Variants in SLC38A6 observed in about 807,000 individuals in gnomAD.
SLC38A6 encodes the protein N system amino acid transporter NAT-1.
A neutral mutation model predicts 65.0 loss-of-function variants in SLC38A6; 73 were observed. That is an observed-to-expected ratio of 1.12 (90% CI 0.93 to 1.37). The LOEUF is 1.37. Among genes scored for constraint, SLC38A6 ranks in the 40% most tolerant of loss-of-function variants. The pLI, the probability that SLC38A6 is intolerant of heterozygous loss-of-function variation, is 0.00. For synonymous variants in SLC38A6, 183 were observed against 178.8 expected (o/e 1.02, Z -0.19); for missense variants, 561 against 531.1 (o/e 1.06, Z -0.55).
At chr14:61,074,822 G>A (rs974633144) in intron 15 of SLC38A6, among the ~76,000 whole-genome samples, 7 of 151,308 alleles carry the variant, frequency 4.6e-5, no homozygotes, top group African/African-American at 1.7e-4. Flanking sequence ...ACTTCTCTTA[G>A]TAAGGGAAAT....
At chr14:61,024,114 A>G (rs2040488367) in intron 5 of SLC38A6, among the ~76,000 whole-genome samples, 1 of 152,152 alleles carries the variant, frequency 6.6e-6, no homozygotes, top group African/African-American at 2.4e-5. Flanking sequence ...CTTCACAGAA[A>G]ATCGTTTTTC....
chr14:61,016,499 A>C (rs547235344), intron 4 of SLC38A6, among the ~76,000 whole-genome samples: 29 of 152,300 alleles, frequency 1.9e-4, no homozygotes, highest in African/African-American at 7.0e-4. Context: ...ACCACATCCT[A>C]GAACTCTAGA....
intron 3 of SLC38A6, among the ~76,000 whole-genome samples, chr14:61,005,554 C>T (rs1595035308): frequency 6.6e-6 from 1 of 151,212 alleles, no homozygotes. Context: ...AAACAGAGAG[C>T]CAAATCATGA....
At chr14:61,072,353 C>T (rs2043259135) in intron 15 of SLC38A6, among the ~76,000 whole-genome samples, 1 of 152,136 alleles carries the variant, frequency 6.6e-6, no homozygotes, top group Non-Finnish European at 1.5e-5. Context: ...TATCCATCCC[C>T]TCAAGCATTT....
chr14:61,066,768 G>A (rs548570222), intron 15 of SLC38A6, among the ~76,000 whole-genome samples: 3 of 152,074 alleles, frequency 2.0e-5, no homozygotes, highest in South Asian at 2.1e-4. Context: ...TTTTTTATCC[G>A]TATTTGATTG....
At chr14:61,065,162 TCAATA>T (rs968640125) in intron 15 of SLC38A6, among the ~76,000 whole-genome samples, 1 of 152,130 alleles carries the variant, frequency 6.6e-6, no homozygotes, top group African/African-American at 2.4e-5. Context: ...GATCTGAAAT[TCAATA>T]CAATCTAGGT....
chr14:61,047,974 GATACATACATACATACATACATACATAC>G (rs201975441), intron 12 of SLC38A6, among the ~76,000 whole-genome samples: 2 of 77,068 alleles, frequency 2.6e-5, no homozygotes, highest in East Asian at 2.9e-4. Flanking sequence ...TAGATAGATA[GATACATACATACATACATACATACATAC>G]ATACATACAT....
At chr14:60,997,771 AG>A (rs1566623456) in intron 3 of SLC38A6, among the ~76,000 whole-genome samples, 1 of 152,228 alleles carries the variant, frequency 6.6e-6, no homozygotes, top group Non-Finnish European at 1.5e-5. Flanking sequence ...TGGACAATAA[AG>A]GAGAAGTAGA....
At chr14:61,049,369 C>T (rs919675334) in intron 12 of SLC38A6, among the ~76,000 whole-genome samples, 2 of 152,152 alleles carry the variant, frequency 1.3e-5, no homozygotes, top group African/African-American at 4.8e-5. Flanking sequence ...TGTGCTGCTC[C>T]TTGCTTCTAG....
intron 8 of SLC38A6, among the ~76,000 whole-genome samples, chr14:61,038,779 T>C (rs986098776): frequency 6.6e-6 from 1 of 152,204 alleles, no homozygotes; most frequent in Non-Finnish European, 1.5e-5. Context: ...CTAAAAACAT[T>C]TAACAGTGTT....
chr14:61,002,150 C>T (rs1432447522), intron 3 of SLC38A6: 1 of 152,162 alleles, frequency 6.6e-6, no homozygotes, highest in Non-Finnish European at 1.5e-5. Context: ...ATATCACATC[C>T]TCTGTGCCAT....
chr14:61,070,277 C>T (rs1266934873), intron 15 of SLC38A6, among the ~76,000 whole-genome samples: 1 of 152,218 alleles, frequency 6.6e-6, no homozygotes, highest in East Asian at 1.9e-4. Context: ...TGACTGCTCT[C>T]GCCATCTTGT....
rs551619808 is a variant in SLC38A6 at position 61,027,440 on chromosome 14, G to T, written c.404-3005G>T. Among the ~76,000 whole-genome samples the T allele has an allele frequency of 2.0e-5, 3 of 152,106 alleles. No individual in the cohort carries two copies. In the South Asian group the frequency reaches 6.2e-4, roughly 32 times the overall value. On this transcript the variant is annotated intron_variant, in intron 5 of 15. Coordinates refer to ENST00000267488, the MANE Select transcript of SLC38A6 (RefSeq NM_153811.3). ...GTGTCCATGTCACCCAAAATCATTTGCAAATTTTTGCTTATGATTGGTCTG... is the reference window on the plus strand; with the variant it reads ...GTGTCCATGTCACCCAAAATCATTTTCAAATTTTTGCTTATGATTGGTCTG...
At chr14:61,018,051 G>A (rs2040122675) in intron 4 of SLC38A6, among the ~76,000 whole-genome samples, 1 of 152,130 alleles carries the variant, frequency 6.6e-6, no homozygotes, top group South Asian at 2.1e-4. Flanking sequence ...ACCATGTACT[G>A]TGCTAGGCAT....
intron 8 of SLC38A6, among the ~76,000 whole-genome samples, chr14:61,041,959 G>T (rs189032743): frequency 6.6e-6 from 1 of 150,562 alleles, no homozygotes; most frequent in Non-Finnish European, 1.5e-5. Context: ...CATCCTCATC[G>T]TTTTTTTTTG....
intron 5 of SLC38A6, 48 bp from the exon 6 acceptor site, chr14:61,030,397 G>A: frequency 7.2e-7 from 1 of 1,387,576 alleles, no homozygotes; most frequent in Non-Finnish European, 1.0e-6. Flanking sequence ...TGTTTAAATG[G>A]TTAAGAATCA....
intron 16 of SLC38A6, among the ~76,000 whole-genome samples, chr14:61,081,321 T>A (rs4899027): frequency 2.6e-5 from 3 of 115,490 alleles, no homozygotes; most frequent in Non-Finnish European, 4.1e-5. Flanking sequence ...TGACCAGTGC[T>A]TTGGGTCATT....
downstream of SLC38A6, among the ~76,000 whole-genome samples, chr14:61,053,466 G>A (rs2042602413): frequency 6.6e-6 from 1 of 152,110 alleles, no homozygotes; most frequent in Admixed American, 6.5e-5. Flanking sequence ...AATCACCATA[G>A]TGCTTCCACG....
intron 1 of SLC38A6, 28 bp from the exon 2 acceptor site, chr14:60,982,480 T>G (rs775170119): frequency 6.3e-7 from 1 of 1,595,602 alleles, no homozygotes; most frequent in African/African-American, 1.4e-5. Context: ...TCCAAACATT[T>G]AACACTACTA....
Sources: allele counts gnomAD v4.1 joint callset (sites outside exome capture counted in the v4.1 genomes callset), GRCh38; gene constraint gnomAD v4.1.1; transcripts MANE v1.5; gene names NCBI Gene and HGNC (gene_info 2026-07-23, HGNC 2026-07-21).